CNTN5: variants seen among roughly 807,000 people sequenced by gnomAD.
CNTN5 encodes the protein contactin-5.
A neutral mutation model predicts 129.1 loss-of-function variants in CNTN5; 77 were observed. The ratio of observed to expected loss-of-function variants is 0.60; its 90% CI spans 0.50 to 0.72. The LOEUF is 0.72. CNTN5 is among the 30% of genes least tolerant of loss of function. The pLI is 0.00. For synonymous variants in CNTN5, 509 were observed against 465.6 expected, an observed-to-expected ratio of 1.09 and a Z score of -1.20; for missense variants, 1,478 against 1,328.8, an observed-to-expected ratio of 1.11 and a Z score of -1.75.
At chr11:100,287,331 G>C (rs1030222049) in intron 18 of CNTN5, among the ~76,000 whole-genome samples, 1 of 150,896 alleles carries the variant, frequency 6.6e-6, no homozygotes, top group Admixed American at 6.6e-5. Flanking sequence ...TGAAATGAAG[G>C]AAAAAATGTT....
rs142868211 is a variant in CNTN5, at chr11:99,236,911, T to C, written c.-209-88435T>C. On this transcript the variant is annotated intron_variant, in intron 1 of 24. Coordinates refer to ENST00000524871, the MANE Select transcript of CNTN5 (RefSeq NM_014361.4). ...GCTTTGTATACTTATTCCAATAATA[T>C]CTTATATTCCTACAATGTATTTTAA... 3.2e-3 allele frequency among the ~76,000 whole-genome samples: 485 copies of C among 152,268 alleles called. 9 individuals are homozygous for C. In the East Asian group the frequency reaches 0.04, roughly 13 times the overall value.
chr11:100,299,955 GA>G (rs1951182721), intron 20 of CNTN5, among the ~76,000 whole-genome samples: 1 of 151,402 alleles, frequency 6.6e-6, no homozygotes, highest in African/African-American at 2.4e-5. Context: ...TTGACTTTCG[GA>G]AAAGTTAAAG....
At chr11:100,077,370 A>G (rs10894408) in intron 13 of CNTN5, among the ~76,000 whole-genome samples, 43,183 of 152,132 alleles carry the variant, frequency 0.28, 6,626 homozygotes, top group East Asian at 0.43. Flanking sequence ...CAATTGAGAC[A>G]AAAATGTTGA....
Position 99,087,132 on chromosome 11 carries a change from T to C in CNTN5, c.-210+65862T>C, listed in dbSNP as rs377395252. Reference sequence around the variant, plus strand: ...GAGAAATTTAGTCCTGTGAAGAATTTTGAATTGAGGTTATGCCAAGCACAT... The same window carrying C: ...GAGAAATTTAGTCCTGTGAAGAATTCTGAATTGAGGTTATGCCAAGCACAT... On this transcript the variant is annotated intron_variant, in intron 1 of 24. Coordinates refer to ENST00000524871, the MANE Select transcript of CNTN5 (RefSeq NM_014361.4). Among the ~76,000 whole-genome samples the C allele has an allele frequency of 4.7e-4, 72 of 152,330 alleles. 2 individuals are homozygous for C. The South Asian group carries it at 0.013, about 29-fold the overall frequency.
intron 9 of CNTN5, among the ~76,000 whole-genome samples, chr11:100,054,338 A>G (rs571781498): frequency 3.3e-5 from 5 of 151,920 alleles, no homozygotes; most frequent in East Asian, 1.9e-4. Context: ...CAGTTTTTCA[A>G]TTAATCTGCT....
intron 6 of CNTN5, among the ~76,000 whole-genome samples, chr11:99,907,722 A>G (rs1949547134): frequency 6.6e-6 from 1 of 151,970 alleles, no homozygotes; most frequent in Non-Finnish European, 1.5e-5. Flanking sequence ...ACTGTAATGG[A>G]AGAATATTCA....
chr11:99,964,724 A>G lies in CNTN5; in HGVS notation c.877+7715A>G, dbSNP rs993915824. Among the ~76,000 whole-genome samples, 22 of 152,306 alleles carry G rather than the reference A, an allele frequency of 1.4e-4. No individual in the cohort carries two copies. In the Middle Eastern group the frequency reaches 0.01, roughly 71 times the overall value. On this transcript the variant is annotated intron_variant, in intron 8 of 24. Transcript: ENST00000524871. ...TTTTTCTATTGATTGGAATAGTTTC[A>G]GAAGGCATGGTACCAGCTCCTTCTT...
intron 9 of CNTN5, among the ~76,000 whole-genome samples, chr11:100,051,965 A>G (rs1260937001): frequency 6.6e-6 from 1 of 151,960 alleles, no homozygotes; most frequent in Non-Finnish European, 1.5e-5. Context: ...TATACTATAA[A>G]AAATTGAGTC....
intron 1 of CNTN5, among the ~76,000 whole-genome samples, chr11:99,023,766 T>TA (rs921383535): frequency 2.6e-5 from 4 of 152,214 alleles, no homozygotes; most frequent in African/African-American, 4.8e-5. Context: ...AACTTTCTTT[T>TA]AAAATACGGG....
chr11:99,805,882 A>G (rs990922907), intron 3 of CNTN5, among the ~76,000 whole-genome samples: 1 of 152,230 alleles, frequency 6.6e-6, no homozygotes, highest in Non-Finnish European at 1.5e-5. Flanking sequence ...CATTGTCATG[A>G]AATTAAAAAT....
chr11:100,237,431 C>T (rs1421793278), intron 16 of CNTN5, among the ~76,000 whole-genome samples: 2 of 152,138 alleles, frequency 1.3e-5, no homozygotes, highest in Non-Finnish European at 2.9e-5. Flanking sequence ...TCCCAGAATG[C>T]TTCTTCACTG....
chr11:100,124,540 A>G (rs1169627078), intron 13 of CNTN5, among the ~76,000 whole-genome samples: 1 of 152,004 alleles, frequency 6.6e-6, no homozygotes, highest in Admixed American at 6.6e-5. Flanking sequence ...GATACATGAC[A>G]AGACCCAGTT....
intron 3 of CNTN5, among the ~76,000 whole-genome samples, chr11:99,792,098 C>A (rs944432260): frequency 6.6e-6 from 1 of 151,840 alleles, no homozygotes; most frequent in Non-Finnish European, 1.5e-5. Flanking sequence ...ATTTTTTTCT[C>A]TTGCCTGTTT....
At chr11:100,275,563 T>C (rs969380727) in intron 18 of CNTN5, among the ~76,000 whole-genome samples, 2 of 152,168 alleles carry the variant, frequency 1.3e-5, no homozygotes, top group Non-Finnish European at 2.9e-5. Context: ...ATGAATCTCC[T>C]TGTGCTATTA....
At chr11:99,085,926 C>G (rs1050164851) in intron 1 of CNTN5, among the ~76,000 whole-genome samples, 1 of 151,978 alleles carries the variant, frequency 6.6e-6, no homozygotes, top group Non-Finnish European at 1.5e-5. Flanking sequence ...AAATACTTAC[C>G]ATTGTGTTCT....
chr11:99,384,042 A>G (rs1274732040), intron 2 of CNTN5, among the ~76,000 whole-genome samples: 3 of 152,198 alleles, frequency 2.0e-5, no homozygotes, highest in Non-Finnish European at 2.9e-5. Context: ...CTGAAACATT[A>G]CTAGTGCGTT....
At chr11:99,411,908 A>G (rs1942412245) in intron 2 of CNTN5, among the ~76,000 whole-genome samples, 1 of 152,192 alleles carries the variant, frequency 6.6e-6, no homozygotes, top group Non-Finnish European at 1.5e-5. Context: ...TAACACATGC[A>G]ATCCTATTTT....
intron 2 of CNTN5, among the ~76,000 whole-genome samples, chr11:99,493,518 A>G (rs112492561): frequency 0.029 from 4,378 of 152,330 alleles, 83 homozygotes; most frequent in Middle Eastern, 0.065. Context: ...TTGAAAATAA[A>G]TTAAGTTTAT....
At chr11:99,931,110 T>C (rs1040564189) in intron 7 of CNTN5, among the ~76,000 whole-genome samples, 1 of 152,212 alleles carries the variant, frequency 6.6e-6, no homozygotes, top group Non-Finnish European at 1.5e-5. Flanking sequence ...CTGAATGTAG[T>C]GCTTATCAAC....
Sources: gnomAD v4.1 joint callset for allele counts (sites outside exome capture counted in the v4.1 genomes callset) on GRCh38, gnomAD v4.1.1 for gene constraint, MANE v1.5 for transcripts, NCBI Gene and HGNC (gene_info 2026-07-23, HGNC 2026-07-21) for gene names.